Variants in KIF25 observed in about 807,000 individuals in gnomAD.
KIF25 encodes kinesin family member 25, also known as kinesin-like protein KIF25.
KIF25 carries 19 observed loss-of-function variants against 32.9 expected under a neutral mutation model. The observed-to-expected ratio is 0.58, with a 90% CI of 0.40 to 0.85. The LOEUF (loss-of-function observed/expected upper bound fraction) is 0.85, where lower values mean the gene tolerates loss of function less well. KIF25 is among the 40% of genes least tolerant of loss of function. KIF25 has a pLI of 0.00. For synonymous variants in KIF25, 225 were observed against 213.7 expected (o/e 1.05, Z -0.46); for missense variants, 485 against 507.0 (o/e 0.96, Z 0.42).
At chr6:168,039,056 A>G (rs1413431272) in intron 9 of KIF25, among the ~76,000 whole-genome samples, 4 of 152,272 alleles carry the variant, frequency 2.6e-5, no homozygotes, top group Non-Finnish European at 4.4e-5. Context: ...ATCAAGGTGT[A>G]TACCTTAAAC....
chr6:168,039,246 A>C (rs891445574), intron 9 of KIF25, among the ~76,000 whole-genome samples: 1 of 152,230 alleles, frequency 6.6e-6, no homozygotes, highest in Non-Finnish European at 1.5e-5. Context: ...AGACTTGTGG[A>C]GGTGAAAGAA....
At chr6:168,043,011 T>G (rs1799153817) in intron 12 of KIF25, among the ~76,000 whole-genome samples, 1 of 152,212 alleles carries the variant, frequency 6.6e-6, no homozygotes, top group African/African-American at 2.4e-5. Context: ...CCAGAGCAGC[T>G]GAGGGCTCTC....
chr6:168,021,852 GTCGTTCAGGATC>G (rs1278880801), intron 5 of KIF25, among the ~76,000 whole-genome samples: 2 of 152,216 alleles, frequency 1.3e-5, no homozygotes, highest in African/African-American at 4.8e-5. Context: ...AGCCTTTGCG[GTCGTTCAGGATC>G]TCAGAGCATG....
chr6:168,038,561 T>C lies in KIF25; in HGVS notation c.326T>C (p.Leu109Ser), dbSNP rs2114910295. The change falls in exon 9 of 13, where the codon TTG (leucine) becomes TCG (serine). Residue 109 changes from leucine (L) to serine (S), a missense_variant. Leu to Ser is a moderately radical substitution (Grantham distance 145). This residue lies in a region of KIF25 where 480 missense variants were observed against 470.3 expected (regional missense o/e 1.02). Transcript: ENST00000643607. ...TGTGTGTTTTCCCGCAGGCTCATTT[T>C]GGAAAATACCTCAAGAAGCCCAAAG... is the stretch of plus-strand genomic sequence containing the variant. ...RVAEELFRLI[L>S]ENTSRSPKVE... The C allele has an allele frequency of 6.2e-7, 1 of 1,614,076 alleles. No homozygotes were observed. Among genetic ancestry groups the C allele is most frequent in the Non-Finnish European group, 8.5e-7 (1 of 1,179,942 alleles).
intron 4 of KIF25, among the ~76,000 whole-genome samples, chr6:168,016,062 G>T (rs370767006): frequency 9.8e-5 from 15 of 152,328 alleles, no homozygotes; most frequent in South Asian, 6.2e-4. Context: ...CAAAGGAACG[G>T]TCCCCGAAGT....
chr6:168,006,829 T>C (rs1019334486), intron 4 of KIF25, among the ~76,000 whole-genome samples: 2 of 152,222 alleles, frequency 1.3e-5, no homozygotes, highest in African/African-American at 4.8e-5. Context: ...TATTGTAAAC[T>C]TTAGAAACTC....
Position 168,038,567 on chromosome 6 carries a change from A to G in KIF25, c.332A>G (p.Asn111Ser). 1 of 1,614,066 alleles carries G rather than the reference A, an allele frequency of 6.2e-7. No individual in the cohort carries two copies. The highest frequency in any genetic ancestry group is 8.5e-7 in the Non-Finnish European group (1 of 1,179,942). ...TTTTCCCGCAGGCTCATTTTGGAAA[A>G]TACCTCAAGAAGCCCAAAGGTTGAA... Reference protein sequence around the residue: ...AEELFRLILENTSRSPKVEVS... With the variant: ...AEELFRLILESTSRSPKVEVS... Residue 111 changes from asparagine to serine, a missense_variant, in exon 9 of 13, where the codon AAT (asparagine) becomes AGT (serine). By Grantham distance (46) the Asn-to-Ser change is conservative (BLOSUM62 1). Transcript: ENST00000643607.
rs1168278476 is a variant in KIF25 at position 167,997,735 on chromosome 6, A to C, written c.-1734A>C. Among the ~76,000 whole-genome samples the C allele has an allele frequency of 1.3e-5, 2 of 152,016 alleles. No individual in the cohort carries two copies. Among genetic ancestry groups the C allele is most frequent in the Non-Finnish European group, 2.9e-5 (2 of 67,994 alleles). On this transcript the variant is annotated 5_prime_UTR_variant, in exon 1 of 13. Transcript: ENST00000643607. The stretch of plus-strand genomic sequence containing the variant: ...CCCATGAAATTTAATGTAAAGTCTC[A>C]GGGTTTGATTTTGCAACACGAGGAT...
intron 8 of KIF25, among the ~76,000 whole-genome samples, chr6:168,035,584 A>G (rs1456256437): frequency 1.3e-5 from 2 of 150,116 alleles, no homozygotes; most frequent in African/African-American, 4.9e-5. Flanking sequence ...AAGATCCATC[A>G]GGAAGATGGC....
chr6:168,003,284 T>C (rs1583123557), intron 3 of KIF25, among the ~76,000 whole-genome samples: 1 of 146,574 alleles, frequency 6.8e-6, no homozygotes, highest in African/African-American at 2.5e-5. Flanking sequence ...CAAAAGGGGG[T>C]GGGGAAGAGA....
chr6:168,016,381 C>T lies in KIF25; in HGVS notation c.-162-1592C>T, dbSNP rs78904044. Among the ~76,000 whole-genome samples, 1,321 of 152,352 alleles carry T rather than the reference C, an allele frequency of 8.7e-3. 15 individuals are homozygous for T. The highest frequency in any genetic ancestry group is 0.03 in the African/African-American group (1,230 of 41,588). On this transcript the variant is annotated intron_variant, in intron 4 of 12. Coordinates refer to ENST00000643607, the MANE Select transcript of KIF25 (RefSeq NM_030615.4). The stretch of plus-strand genomic sequence containing the variant: ...AAAGCCGTGCCGGAGCACGAGCACG[C>T]GCAACCTCCACATCCTGGTGGTCGT...
chr6:168,027,714 C>G (rs1200296610), intron 5 of KIF25, among the ~76,000 whole-genome samples: 1 of 152,150 alleles, frequency 6.6e-6, no homozygotes, highest in Admixed American at 6.5e-5. Flanking sequence ...CCCTCCACAT[C>G]CCCACGGAGC....
At chr6:168,034,989 T>C (rs1798995518) in intron 8 of KIF25, among the ~76,000 whole-genome samples, 1 of 152,284 alleles carries the variant, frequency 6.6e-6, no homozygotes, top group African/African-American at 2.4e-5. Context: ...TCATTAAATA[T>C]TCAACCAGTC....
At position 168,038,552 on chromosome 6, in the gene KIF25, G is replaced by T. The variant is rs1253615024; in HGVS notation, c.318-1G>T. ...AGTTTCTCTTGTGTGTTTTCCCGCA[G>T]GCTCATTTTGGAAAATACCTCAAGA... On this transcript the variant is annotated splice_acceptor_variant, in intron 8 of 12. Transcript: ENST00000643607. LOFTEE classifies it high-confidence loss of function. The T allele has an allele frequency of 6.2e-7, 1 of 1,613,786 alleles. No individual in the cohort carries two copies. Among genetic ancestry groups the T allele is most frequent in the Non-Finnish European group, 8.5e-7 (1 of 1,179,816 alleles).
At chr6:168,036,040 T>C (rs1284111131) in intron 8 of KIF25, 1 of 258,914 alleles carries the variant, frequency 3.9e-6, no homozygotes, top group African/African-American at 2.2e-5. Flanking sequence ...ATATCAGAGA[T>C]AGTTTACAGG....
chr6:168,037,403 G>A (rs192167780), intron 8 of KIF25, among the ~76,000 whole-genome samples: 12 of 152,174 alleles, frequency 7.9e-5, no homozygotes, highest in South Asian at 4.1e-4. Flanking sequence ...CTTCCCGCCC[G>A]GTTCTCAGAA....
At chr6:168,035,388 C>G (rs904775307) in intron 8 of KIF25, among the ~76,000 whole-genome samples, 2 of 72,412 alleles carry the variant, frequency 2.8e-5, no homozygotes, top group Admixed American at 3.8e-4. Flanking sequence ...AATTTGCCGA[C>G]GGAAGCATAT....
intron 7 of KIF25, among the ~76,000 whole-genome samples, chr6:168,031,260 A>G (rs2114900229): frequency 6.6e-6 from 1 of 152,372 alleles, no homozygotes; most frequent in South Asian, 2.1e-4. Context: ...GCAGTATACA[A>G]CTACTGATGT....
chr6:168,000,987 C>T (rs540729754), intron 2 of KIF25, among the ~76,000 whole-genome samples: 2 of 152,202 alleles, frequency 1.3e-5, no homozygotes, highest in South Asian at 2.1e-4. Context: ...ACAAGAAATT[C>T]GGATCTTTTG....
Sources: gnomAD v4.1 joint callset for allele counts (sites outside exome capture counted in the v4.1 genomes callset) on GRCh38, gnomAD v4.1.1 for gene constraint, gnomAD v4.1.1 regional missense constraint, MANE v1.5 for transcripts, NCBI Gene and HGNC (gene_info 2026-07-23, HGNC 2026-07-21) for gene names.